Variants in NSUN3 observed in about 807,000 individuals in gnomAD.
NSUN3 encodes NOP2/Sun RNA methyltransferase 3, also known as tRNA (cytosine(34)-C(5))-methyltransferase, mitochondrial.
Under a neutral mutation model 36.8 loss-of-function variants are expected in NSUN3, and 24 were observed. The observed-to-expected ratio is 0.65, with a 90% CI of 0.47 to 0.92. The LOEUF (loss-of-function observed/expected upper bound fraction) is 0.92, where lower values mean the gene tolerates loss of function less well. Ranked by LOEUF, NSUN3 falls within the 40% of genes least tolerant of loss-of-function variation. The probability of loss-of-function intolerance (pLI) is 0.00; values close to 1 mark genes in which losing one functional copy is unlikely to be tolerated. For missense variants in NSUN3, 381 were observed against 392.8 expected (o/e 0.97, Z 0.25); for synonymous variants, 146 against 145.2 (o/e 1.01, Z -0.04).
intron 3 of NSUN3, among the ~76,000 whole-genome samples, chr3:94,090,215 A>T (rs2077308823): frequency 2.6e-5 from 4 of 152,190 alleles, no homozygotes; most frequent in Admixed American, 2.6e-4. Flanking sequence ...AAAAAAATTA[A>T]GATTTGGTTG....
At chr3:94,100,448 A>T (rs2077360328) in intron 5 of NSUN3, among the ~76,000 whole-genome samples, 1 of 152,170 alleles carries the variant, frequency 6.6e-6, no homozygotes, top group Non-Finnish European at 1.5e-5. Flanking sequence ...AATAGCATAT[A>T]AAGGTGGTTA....
chr3:94,075,959 T>A, intron 2 of NSUN3: 1 of 1,547,934 alleles, frequency 6.5e-7, no homozygotes, highest in Non-Finnish European at 8.9e-7. Context: ...TTCATCATTA[T>A]AAATGTTCTC....
intron 2 of NSUN3, among the ~76,000 whole-genome samples, chr3:94,079,582 T>C (rs1295315354): frequency 6.6e-6 from 1 of 152,168 alleles, no homozygotes; most frequent in Non-Finnish European, 1.5e-5. Flanking sequence ...GTAGATTTGG[T>C]CTTTTCACAT....
At chr3:94,106,127 A>G (rs935243724) in intron 5 of NSUN3, among the ~76,000 whole-genome samples, 2 of 152,198 alleles carry the variant, frequency 1.3e-5, no homozygotes, top group Admixed American at 1.3e-4. Flanking sequence ...ATGGAAACCA[A>G]TAATAAATAT....
intron 5 of NSUN3, among the ~76,000 whole-genome samples, chr3:94,118,080 AG>A (rs2077447630): frequency 6.6e-6 from 1 of 152,242 alleles, no homozygotes; most frequent in South Asian, 2.1e-4. Flanking sequence ...ATTTCAAAGT[AG>A]CTAGAAGAGA....
intron 5 of NSUN3, among the ~76,000 whole-genome samples, chr3:94,100,035 C>T (rs1248008471): frequency 6.6e-6 from 1 of 152,118 alleles, no homozygotes; most frequent in African/African-American, 2.4e-5. Flanking sequence ...GAGTTTCATT[C>T]ATATGAAGGA....
At chr3:94,075,026 A>C (rs537211085) in intron 2 of NSUN3, among the ~76,000 whole-genome samples, 114 of 152,104 alleles carry the variant, frequency 7.5e-4, no homozygotes, top group African/African-American at 2.7e-3. Flanking sequence ...GGGTGTTGAA[A>C]TTTGTCAAGG....
intron 5 of NSUN3, among the ~76,000 whole-genome samples, chr3:94,109,868 A>G (rs1402549021): frequency 6.6e-6 from 1 of 152,210 alleles, no homozygotes; most frequent in African/African-American, 2.4e-5. Context: ...TTACCCCAGA[A>G]AGATTCTGAG....
At chr3:94,073,296 A>G (rs1477513454) in intron 2 of NSUN3, among the ~76,000 whole-genome samples, 2 of 152,222 alleles carry the variant, frequency 1.3e-5, no homozygotes, top group Non-Finnish European at 2.9e-5. Context: ...AGAAGGATTT[A>G]TAATCCTTTG....
chr3:94,083,609 A>G (rs1051183776), intron 2 of NSUN3, among the ~76,000 whole-genome samples: 10 of 152,348 alleles, frequency 6.6e-5, no homozygotes, highest in Admixed American at 3.3e-4. Context: ...TTCCACTTCT[A>G]TGCAAGCGTG....
chr3:94,087,455 C>A (rs2077296665), intron 3 of NSUN3, among the ~76,000 whole-genome samples: 1 of 152,190 alleles, frequency 6.6e-6, no homozygotes, highest in South Asian at 2.1e-4. Context: ...CAGCTGCTCT[C>A]ACCTGTTACC....
intron 5 of NSUN3, among the ~76,000 whole-genome samples, chr3:94,104,304 C>A (rs1193523692): frequency 6.6e-6 from 1 of 152,164 alleles, no homozygotes; most frequent in African/African-American, 2.4e-5. Flanking sequence ...CTCTGCTTCT[C>A]TTGTGCCACT....
At chr3:94,122,822 T>C (rs2077469610) in intron 5 of NSUN3, among the ~76,000 whole-genome samples, 1 of 152,164 alleles carries the variant, frequency 6.6e-6, no homozygotes, top group African/African-American at 2.4e-5. Context: ...GTTGTCAAGG[T>C]TGATCATATT....
intron 2 of NSUN3, chr3:94,077,080 T>C: frequency 1.3e-6 from 1 of 785,778 alleles, no homozygotes; most frequent in Admixed American, 1.7e-5. Context: ...CACCAAATCA[T>C]AAAGAAAAGG....
At chr3:94,083,259 T>C (rs986678022) in intron 2 of NSUN3, among the ~76,000 whole-genome samples, 1 of 152,196 alleles carries the variant, frequency 6.6e-6, no homozygotes, top group African/African-American at 2.4e-5. Flanking sequence ...GTCCAGGTTC[T>C]TGGAGTTTTG....
rs755256777 is a variant in NSUN3 at position 94,094,095 on chromosome 3, A to T, written c.467-45A>T. 7 of 1,393,732 alleles carry T rather than the reference A, an allele frequency of 5.0e-6. No individual in the cohort carries two copies. In the East Asian group the frequency reaches 7.2e-5, roughly 14 times the overall value. The allele number at this position is 1,393,732 out of a possible 1,614,324, so 86.3% of individuals were successfully genotyped here. A position where few individuals can be genotyped will look rare whatever the true frequency, so the allele number is the denominator to read the frequency against. The stretch of plus-strand genomic sequence containing the variant: ...ATTTGCTGAAAAGTAGAAATTTAAC[A>T]GTTCCATTGCCTTCATTTGAAACTT... On this transcript the variant is annotated intron_variant, in intron 3 of 5. Transcript: ENST00000314622.
intron 5 of NSUN3, among the ~76,000 whole-genome samples, chr3:94,106,956 T>C (rs112893968): frequency 6.6e-5 from 10 of 152,274 alleles, no homozygotes; most frequent in African/African-American, 2.4e-4. Flanking sequence ...TTAAATTATA[T>C]TGTAGCAATT....
chr3:94,084,396 C>A lies in NSUN3; in HGVS notation c.412C>A (p.Leu138Ile). The change falls in exon 3 of 6, where the codon CTC becomes ATC. Residue 138 changes from leucine (L) to isoleucine (I), a missense_variant. Leu to Ile is a conservative substitution (Grantham distance 5). Coordinates refer to ENST00000314622, the MANE Select transcript of NSUN3 (RefSeq NM_022072.5). Reference protein sequence around the residue: ...ELRDGEKVLDLCAAPGGKSIA... With the variant: ...ELRDGEKVLDICAAPGGKSIA... ...AAGGGATGGGGAGAAGGTTCTGGAT[C>A]TCTGTGCTGCTCCTGGAGGGAAATC... 4.3e-6 allele frequency: 7 copies of A among 1,614,122 alleles called. No individual in the cohort carries two copies. Among genetic ancestry groups the A allele is most frequent in the African/African-American group, 2.7e-5 (2 of 75,048 alleles).
At chr3:94,099,209 G>A (rs548780276) in intron 5 of NSUN3, among the ~76,000 whole-genome samples, 19 of 152,044 alleles carry the variant, frequency 1.2e-4, no homozygotes, top group Non-Finnish European at 2.5e-4. Context: ...CTTTTACATA[G>A]CCAAAACATG....
Sources: gnomAD v4.1 joint callset for allele counts (sites outside exome capture counted in the v4.1 genomes callset) on GRCh38, gnomAD v4.1.1 for gene constraint, MANE v1.5 for transcripts, NCBI Gene and HGNC (gene_info 2026-07-23, HGNC 2026-07-21) for gene names.